Variants in COL2A1 observed in about 807,000 individuals in gnomAD.
COL2A1 encodes collagen type II alpha 1 chain.
A neutral mutation model predicts 204.5 loss-of-function variants in COL2A1; 28 were observed. That is an observed-to-expected ratio of 0.14 (90% confidence interval 0.10 to 0.19). The LOEUF is 0.19. Ranked by LOEUF, COL2A1 falls within the 10% of genes least tolerant of loss-of-function variation. COL2A1 has a pLI of 1.00. For missense variants in COL2A1, 1,388 were observed against 2,027.5 expected, an observed-to-expected ratio of 0.68 and a Z score of 6.06; for synonymous variants, 708 against 718.7, an observed-to-expected ratio of 0.99 and a Z score of 0.24.
intron 15 of COL2A1, among the ~76,000 whole-genome samples, 180 bp from the exon 16 acceptor site, chr12:47,993,111 C>A (rs1939782867): frequency 6.6e-6 from 1 of 152,188 alleles, no homozygotes; most frequent in South Asian, 2.1e-4. Context: ...AGATCACACC[C>A]AACAGTTTTC....
chr12:47,990,315 T>C (rs1308312353), intron 16 of COL2A1, among the ~76,000 whole-genome samples: 2 of 152,228 alleles, frequency 1.3e-5, no homozygotes, highest in Non-Finnish European at 2.9e-5. Context: ...TGGCCCCTAA[T>C]CTTAAACAAA....
chr12:47,981,658 GGCCTT>G, intron 36 of COL2A1, 113 bp downstream of exon 36: 2 of 1,240,402 alleles, frequency 1.6e-6, no homozygotes, highest in Non-Finnish European at 2.3e-6. Context: ...TCACTCCTAC[GGCCTT>G]GGCCGAGGGT....
intron 10 of COL2A1, among the ~76,000 whole-genome samples, 187 bp downstream of exon 10, chr12:47,995,523 T>C (rs1457577574): frequency 4.6e-5 from 7 of 152,194 alleles, no homozygotes; most frequent in Non-Finnish European, 1.0e-4. Flanking sequence ...GAGTCCCTGG[T>C]GGTCCTTGCC....
intron 32 of COL2A1, 44 bp from the exon 33 acceptor site, chr12:47,982,990 G>A (rs199804074): frequency 1.2e-6 from 2 of 1,608,638 alleles, no homozygotes; most frequent in Non-Finnish European, 1.7e-6. Flanking sequence ...CAGCAGTGGG[G>A]GAGAAGGTCC....
At chr12:47,996,770 A>G (rs1939985585) in intron 7 of COL2A1, 145 bp from the exon 8 acceptor site, 1 of 772,600 alleles carries the variant, frequency 1.3e-6, no homozygotes, top group African/African-American at 1.7e-5. Context: ...CAGAATTACC[A>G]CTGATGCCTG....
rs1635547 is a variant in COL2A1 at position 47,986,178 on chromosome 12, A to C, written c.1527+158T>G. Among the ~76,000 whole-genome samples, 71,339 of 151,724 alleles carry C rather than the reference A, an allele frequency of 0.47. 16,988 individuals are homozygous for C. Among genetic ancestry groups the C allele is most frequent in the East Asian group, 0.56 (2,898 of 5,130 alleles). ...GTCAGTCTGGTGGTTGGCGGCACAA[A>C]TCAGGATCAGACTCCCTCTCCCCGC... On this transcript the variant is annotated intron_variant, in intron 23 of 53. Coordinates refer to ENST00000380518, the MANE Select transcript of COL2A1 (RefSeq NM_001844.5).
At position 48,004,334 on chromosome 12, in the gene COL2A1, G is replaced by T; in HGVS notation, c.-13C>A. On this transcript the variant is annotated 5_prime_UTR_variant, in exon 1 of 54. Transcript: ENST00000380518. ...CGAGGCGAATCATGGCTCACCGCGGGGCCTGGCTGAGCCGGGCCCGGGCGG... is the reference window on the plus strand; with the variant it reads ...CGAGGCGAATCATGGCTCACCGCGGTGCCTGGCTGAGCCGGGCCCGGGCGG... The T allele has an allele frequency of 2.0e-6, 3 of 1,527,096 alleles. No homozygotes were observed. The highest frequency in any genetic ancestry group is 2.7e-6 in the Non-Finnish European group (3 of 1,126,752). 94.6% of individuals were successfully genotyped at this position (1,527,096 alleles called of 1,614,324 possible).
chr12:47,987,481 G>A lies in COL2A1; in HGVS notation c.1221+130C>T. On this transcript the variant is annotated intron_variant, in intron 19 of 53. Coordinates refer to ENST00000380518, the MANE Select transcript of COL2A1 (RefSeq NM_001844.5). The surrounding 1 kb of genome is among the most constrained non-coding windows in gnomAD (Gnocchi z 4.1). Reference sequence around the variant, plus strand: ...GATAGAAGGGAATACATCTAGAGGTGGGGACAGGCATTGGGCCAGAATGAA... The same window carrying A: ...GATAGAAGGGAATACATCTAGAGGTAGGGACAGGCATTGGGCCAGAATGAA... The A allele has an allele frequency of 9.6e-7, 1 of 1,040,264 alleles. No individual in the cohort carries two copies. Among genetic ancestry groups the A allele is most frequent in the Admixed American group, 2.0e-5 (1 of 50,450 alleles). 64.4% of individuals were successfully genotyped at this position (1,040,264 alleles called of 1,614,324 possible).
At chr12:48,001,387 G>C (rs1940224378) in intron 1 of COL2A1, among the ~76,000 whole-genome samples, 2 of 152,266 alleles carry the variant, frequency 1.3e-5, no homozygotes, top group South Asian at 4.1e-4. Context: ...AGGAGGGTGA[G>C]GGATTCCAGG....
rs1939417506 is a variant in COL2A1 at position 47,986,454 on chromosome 12, GC to G, written c.1420-12del. 4 of 1,514,612 alleles carry G rather than the reference GC, an allele frequency of 2.6e-6. No individual in the cohort carries two copies. The highest frequency in any genetic ancestry group is 3.6e-6 in the Non-Finnish European group (4 of 1,113,174). The allele number at this position is 1,514,612 out of a possible 1,614,324, so 93.8% of individuals were successfully genotyped here. A position where few individuals can be genotyped will look rare whatever the true frequency, so the allele number is the denominator to read the frequency against. ...GGGGCCAGCAGGGCCCTGAGGACCA[GC>G]AAAAAAGAGAAACAGAGTGAGCCTT... On this transcript the variant is annotated splice_polypyrimidine_tract_variant and intron_variant, in intron 22 of 53. Coordinates refer to ENST00000380518, the MANE Select transcript of COL2A1 (RefSeq NM_001844.5).
chr12:47,986,087 AGGATTCTCAGAGGTTAACTT>A, intron 23 of COL2A1, 122 bp from the exon 24 acceptor site: 1 of 973,856 alleles, frequency 1.0e-6, no homozygotes, highest in Non-Finnish European at 1.6e-6. Context: ...TGTGGCCTGC[AGGATTCTCAGAGGTTAACTT>A]CTGGAGCCTG....
chr12:47,992,252 A>G (rs1225178289), intron 16 of COL2A1, among the ~76,000 whole-genome samples: 1 of 152,136 alleles, frequency 6.6e-6, no homozygotes, highest in Non-Finnish European at 1.5e-5. Context: ...ACTAGAGGCC[A>G]CCAGAGTCTA....
Position 47,995,939 on chromosome 12 carries a change from G to T in COL2A1, c.610-20C>A. The T allele has an allele frequency of 6.2e-7, 1 of 1,608,576 alleles. No individual in the cohort carries two copies. Among genetic ancestry groups the T allele is most frequent in the Non-Finnish European group, 8.5e-7 (1 of 1,174,956 alleles). The stretch of plus-strand genomic sequence containing the variant: ...GGGGCCCTGCATCGGAACAGAAAAT[G>T]AGGGGTTTACTACACATGCTTCCTC... On this transcript the variant is annotated intron_variant, in intron 8 of 53. Coordinates refer to ENST00000380518, the MANE Select transcript of COL2A1 (RefSeq NM_001844.5).
At chr12:47,977,714 C>A in intron 44 of COL2A1, 61 bp from the exon 45 acceptor site, 2 of 1,555,910 alleles carry the variant, frequency 1.3e-6, no homozygotes, top group Non-Finnish European at 1.8e-6. Flanking sequence ...CCCCTCTGCT[C>A]CCCCAGCCCC....
rs776057698 is a variant in COL2A1 at position 47,995,303 on chromosome 12, G to A, written c.714C>T (p.Pro238=). Residue 238 remains proline, a synonymous_variant, in exon 11 of 54, where the codon CCC becomes CCT. Coordinates refer to ENST00000380518, the MANE Select transcript of COL2A1 (RefSeq NM_001844.5). The stretch of plus-strand genomic sequence containing the variant: ...GACCAGGAGGACCACGGGGACCCAT[G>A]GGACCCTACAAACAAAGGAAGATAG... ...GEPGEPGVSG[P]MGPRGPPGPP... 2.5e-6 allele frequency: 4 copies of A among 1,613,376 alleles called. No individual in the cohort carries two copies. The highest frequency in any genetic ancestry group is 3.4e-6 in the Non-Finnish European group (4 of 1,179,326).
Position 48,004,353 on chromosome 12 carries a change from C to G in COL2A1, c.-32G>C, listed in dbSNP as rs1402352578. The G allele has an allele frequency of 1.4e-6, 2 of 1,410,056 alleles. No homozygotes were observed. Among genetic ancestry groups the G allele is most frequent in the Non-Finnish European group, 2.0e-6 (2 of 1,021,994 alleles). The allele number at this position is 1,410,056 out of a possible 1,614,324, so 87.3% of individuals were successfully genotyped here. ...CCGCGGGGCCTGGCTGAGCCGGGCC[C>G]GGGCGGAGCGCAGCGAAACGGCAGG... On this transcript the variant is annotated 5_prime_UTR_variant, in exon 1 of 54. Transcript: ENST00000380518.
Position 47,973,682 on chromosome 12 carries a change from GC to G in COL2A1, c.4318-130del, listed in dbSNP as rs139902658. 0.063 allele frequency: 68,934 copies of G among 1,089,378 alleles called. 2,703 individuals are homozygous for G. Among genetic ancestry groups the G allele is most frequent in the Non-Finnish European group, 0.077 (55,816 of 725,624 alleles). The allele number at this position is 1,089,378 out of a possible 1,614,324, so 67.5% of individuals were successfully genotyped here. ...CACAAGGTTGAACCACACTGAGGGG[GC>G]TCCTGAGACCTCTTCTTGGCTTGCC... On this transcript the variant is annotated intron_variant, in intron 53 of 53. Coordinates refer to ENST00000380518, the MANE Select transcript of COL2A1 (RefSeq NM_001844.5).
intron 35 of COL2A1, 53 bp from the exon 36 acceptor site, chr12:47,981,882 G>A (rs778457083): frequency 2.1e-5 from 32 of 1,535,904 alleles, no homozygotes; most frequent in Admixed American, 7.8e-5. Context: ...AGCCGAGCAC[G>A]TGCGGCCCGG....
At position 47,982,604 on chromosome 12, in the gene COL2A1, T is replaced by G; in HGVS notation, c.2199A>C (p.Ala733=). The change falls in exon 34 of 54, where the codon GCA becomes GCC. Residue 733 remains alanine (A), a synonymous_variant. Coordinates refer to ENST00000380518, the MANE Select transcript of COL2A1 (RefSeq NM_001844.5). ...CCCCAGGGGGGCCTGCTGGGCCAGA[T>G]GCACCCTGGGGAGGGAGGTAAGAGG... ...GTPGTDGPKG[A]SGPAGPPGAQ... The G allele has an allele frequency of 6.2e-7, 1 of 1,610,954 alleles. No homozygotes were observed. Among genetic ancestry groups the G allele is most frequent in the Non-Finnish European group, 8.5e-7 (1 of 1,178,032 alleles).
Sources: allele counts gnomAD v4.1 joint callset (sites outside exome capture counted in the v4.1 genomes callset), GRCh38; gene constraint gnomAD v4.1.1; non-coding constraint Gnocchi (gnomAD v3.1); transcripts MANE v1.5; gene names NCBI Gene and HGNC (gene_info 2026-07-23, HGNC 2026-07-21).